The following NUP37 variants were observed in gnomAD, a reference collection of about 807,000 sequenced individuals.
NUP37 encodes nucleoporin 37.
Under a neutral mutation model 45.4 loss-of-function variants are expected in NUP37, and 33 were observed. That is an observed-to-expected ratio of 0.73 (90% CI 0.55 to 0.97). The LOEUF (loss-of-function observed/expected upper bound fraction) is 0.97. NUP37 is among the 50% of genes least tolerant of loss of function. The pLI is 0.00. For synonymous variants in NUP37, 127 were observed against 130.7 expected (o/e 0.97, Z 0.19); for missense variants, 365 against 389.7 (o/e 0.94, Z 0.53).
At chr12:102,108,429 T>G (rs1043787370) in intron 3 of NUP37, among the ~76,000 whole-genome samples, 1 of 152,206 alleles carries the variant, frequency 6.6e-6, no homozygotes, top group Non-Finnish European at 1.5e-5. Flanking sequence ...GCTGCAATGT[T>G]GGCTTTCCTA....
chr12:102,101,981 TC>T (rs1165079258), intron 3 of NUP37, among the ~76,000 whole-genome samples: 1 of 152,180 alleles, frequency 6.6e-6, no homozygotes, highest in Non-Finnish European at 1.5e-5. Flanking sequence ...CATCTTGGCC[TC>T]CCAAAGTGCT....
At chr12:102,108,993 A>C (rs1880236295) in intron 3 of NUP37, among the ~76,000 whole-genome samples, 1 of 152,250 alleles carries the variant, frequency 6.6e-6, no homozygotes. Flanking sequence ...GAGGAGTTAC[A>C]GTAATCAAAG....
intron 2 of NUP37, among the ~76,000 whole-genome samples, chr12:102,116,174 C>A (rs1880455618): frequency 6.6e-6 from 1 of 152,166 alleles, no homozygotes; most frequent in Non-Finnish European, 1.5e-5. Context: ...CATTTTCCTT[C>A]TTTCTCCCAA....
At chr12:102,091,447 C>A (rs1242921455) in intron 5 of NUP37, among the ~76,000 whole-genome samples, 260 of 132,058 alleles carry the variant, frequency 2.0e-3, no homozygotes, top group Non-Finnish European at 3.5e-3. Context: ...ACAAAAAAAA[C>A]CCCACAGCCT....
intron 3 of NUP37, among the ~76,000 whole-genome samples, chr12:102,109,594 C>T (rs575727016): frequency 1.5e-4 from 23 of 152,114 alleles, no homozygotes; most frequent in Non-Finnish European, 2.6e-4. Context: ...ATTGTGCCTT[C>T]AGGTTGCTCT....
rs577592767 is a variant in NUP37 at position 102,086,881 on chromosome 12, C to T, written c.450-1025G>A. Among the ~76,000 whole-genome samples the T allele has an allele frequency of 2.6e-5, 4 of 152,310 alleles. No individual in the cohort carries two copies. The East Asian group carries it at 7.7e-4, about 29-fold the overall frequency. ...GAAGGATTGCTTGAGCCCAGGAGTT[C>T]AAGACCAGCCTGGCAAATACAGTGA... On this transcript the variant is annotated intron_variant, in intron 5 of 9. Transcript: ENST00000552283.
In NUP37 at chr12:102,101,004, C is replaced by G. The variant is rs202027932; in HGVS notation, c.354+28G>C. On this transcript the variant is annotated intron_variant, in intron 4 of 9. Coordinates refer to ENST00000552283, the MANE Select transcript of NUP37 (RefSeq NM_024057.4). ...AAACAAACACGTTTTAAAATAAGCTCTAAAGATTTATATGGTTGTCAACAT... is the reference window on the plus strand; with the variant it reads ...AAACAAACACGTTTTAAAATAAGCTGTAAAGATTTATATGGTTGTCAACAT... 18 of 1,345,782 alleles carry G rather than the reference C, an allele frequency of 1.3e-5. No individual in the cohort carries two copies. In the Admixed American group the frequency reaches 2.9e-4, roughly 21 times the overall value. 83.4% of individuals were successfully genotyped at this position (1,345,782 alleles called of 1,614,324 possible).
chr12:102,117,687 C>T (rs1163466755), intron 2 of NUP37, among the ~76,000 whole-genome samples: 1 of 139,572 alleles, frequency 7.2e-6, no homozygotes, highest in Admixed American at 7.1e-5. Flanking sequence ...CAGATGCCCT[C>T]TTGGAATTTT....
intron 3 of NUP37, among the ~76,000 whole-genome samples, chr12:102,104,119 G>A (rs760556992): frequency 3.9e-5 from 6 of 152,060 alleles, no homozygotes; most frequent in Admixed American, 6.5e-5. Flanking sequence ...TCCACATCCC[G>A]GGTCAACATT....
At chr12:102,116,398 G>A (rs564276688) in intron 2 of NUP37, among the ~76,000 whole-genome samples, 1 of 152,304 alleles carries the variant, frequency 6.6e-6, no homozygotes, top group Non-Finnish European at 1.5e-5. Context: ...TTGCATTAGA[G>A]AAATGGTTTT....
chr12:102,083,153 T>C (rs932058231), intron 6 of NUP37, among the ~76,000 whole-genome samples: 22 of 152,342 alleles, frequency 1.4e-4, no homozygotes, highest in Non-Finnish European at 2.2e-4. Flanking sequence ...AGTTTTGGGA[T>C]AGAAGTTGTA....
intron 2 of NUP37, chr12:102,115,932 A>G (rs1880448945): frequency 3.7e-6 from 1 of 268,120 alleles, no homozygotes; most frequent in African/African-American, 2.3e-5. Flanking sequence ...CAGAAAAGCA[A>G]TAATTTATTT....
At chr12:102,098,580 G>A (rs1879880793) in intron 5 of NUP37, among the ~76,000 whole-genome samples, 2 of 150,390 alleles carry the variant, frequency 1.3e-5, no homozygotes, top group Admixed American at 1.3e-4. Flanking sequence ...CACCCAGGCT[G>A]GAGTGCAGTG....
At chr12:102,112,318 G>A (rs1470537454) in intron 2 of NUP37, 86 bp from the exon 3 acceptor site, 8 of 1,113,130 alleles carry the variant, frequency 7.2e-6, no homozygotes, top group Non-Finnish European at 9.9e-6. Flanking sequence ...TTTATCAGGA[G>A]GTTATGCTTA....
chr12:102,103,889 G>A (rs1328021891), intron 3 of NUP37, among the ~76,000 whole-genome samples: 1 of 152,102 alleles, frequency 6.6e-6, no homozygotes, highest in Non-Finnish European at 1.5e-5. Flanking sequence ...CATCTATGAC[G>A]AGCCCACAGG....
chr12:102,112,036 G>T, intron 3 of NUP37, 72 bp downstream of exon 3: 1 of 1,399,598 alleles, frequency 7.1e-7, no homozygotes, highest in South Asian at 1.3e-5. Context: ...AAGTATCTAT[G>T]ATCAGACTTC....
intron 6 of NUP37, among the ~76,000 whole-genome samples, chr12:102,084,478 T>C (rs1179357291): frequency 6.6e-6 from 1 of 152,036 alleles, no homozygotes; most frequent in Non-Finnish European, 1.5e-5. Flanking sequence ...AAACTGTTTC[T>C]ACAAAAAATA....
intron 5 of NUP37, among the ~76,000 whole-genome samples, chr12:102,098,857 G>A (rs1346338692): frequency 6.6e-6 from 1 of 152,086 alleles, no homozygotes; most frequent in African/African-American, 2.4e-5. Flanking sequence ...TTTCATAAAT[G>A]TGAAAATCTG....
At chr12:102,076,379 A>G (rs1383837679) in intron 8 of NUP37, among the ~76,000 whole-genome samples, 1 of 152,232 alleles carries the variant, frequency 6.6e-6, no homozygotes, top group Non-Finnish European at 1.5e-5. Flanking sequence ...AACAAGGTAG[A>G]CATGTATGTT....
Sources: allele counts gnomAD v4.1 joint callset (sites outside exome capture counted in the v4.1 genomes callset), GRCh38; gene constraint gnomAD v4.1.1; transcripts MANE v1.5; gene names NCBI Gene and HGNC (gene_info 2026-07-23, HGNC 2026-07-21).